The following TCF12 variants were observed in gnomAD, a reference collection of about 807,000 sequenced individuals.
TCF12 encodes the protein DNA-binding protein HTF4.
In TCF12, 45 loss-of-function variants were observed where a neutral mutation model predicts 86.0. The ratio of observed to expected loss-of-function variants is 0.52; its 90% CI spans 0.41 to 0.67. TCF12 has a LOEUF of 0.67. Among genes scored for constraint, TCF12 ranks in the 30% least tolerant of loss-of-function variants. The pLI, the probability that TCF12 is intolerant of heterozygous loss-of-function variation, is 0.00. For missense variants in TCF12, 881 were observed against 859.9 expected, an observed-to-expected ratio of 1.02 and a Z score of -0.31; for synonymous variants, 330 against 299.6, an observed-to-expected ratio of 1.10 and a Z score of -1.05.
chr15:57,151,005 G>A (rs1171204516), intron 5 of TCF12, among the ~76,000 whole-genome samples: 2 of 148,320 alleles, frequency 1.3e-5, no homozygotes, highest in Non-Finnish European at 3.0e-5. Context: ...TTGGAGGCAG[G>A]TCTCTCTCTG....
At chr15:57,136,979 T>TTG (rs2052586136) in intron 5 of TCF12, among the ~76,000 whole-genome samples, 2 of 119,714 alleles carry the variant, frequency 1.7e-5, no homozygotes, top group African/African-American at 6.7e-5. Context: ...TGTTTTTTTT[T>TTG]TTTTTTTTTT....
chr15:57,086,818 C>T (rs1468501826), intron 4 of TCF12, among the ~76,000 whole-genome samples: 1 of 149,784 alleles, frequency 6.7e-6, no homozygotes, highest in Non-Finnish European at 1.5e-5. Flanking sequence ...GAAATAACAA[C>T]ATAGGTTTGT....
chr15:57,256,935 C>G (rs1412808722), intron 16 of TCF12, among the ~76,000 whole-genome samples: 1 of 152,152 alleles, frequency 6.6e-6, no homozygotes, highest in Non-Finnish European at 1.5e-5. Context: ...ACTCTTCCTC[C>G]TAGCATTTAG....
chr15:57,094,190 G>A (rs942831127), intron 5 of TCF12, among the ~76,000 whole-genome samples: 1 of 152,098 alleles, frequency 6.6e-6, no homozygotes, highest in Non-Finnish European at 1.5e-5. Flanking sequence ...GTCTGGCCCA[G>A]ACCATACGTT....
At chr15:56,951,821 T>G (rs535676227) in intron 3 of TCF12, among the ~76,000 whole-genome samples, 108 of 152,236 alleles carry the variant, frequency 7.1e-4, no homozygotes, top group African/African-American at 2.5e-3. Context: ...TTTATTTTCT[T>G]ATTTATTGTA....
chr15:57,170,144 C>T (rs1720556452), intron 6 of TCF12, among the ~76,000 whole-genome samples: 1 of 152,194 alleles, frequency 6.6e-6, no homozygotes, highest in African/African-American at 2.4e-5. Context: ...AAGTGGTAAA[C>T]TTAAACTCAT....
intron 4 of TCF12, among the ~76,000 whole-genome samples, chr15:57,084,215 A>T (rs1010884419): frequency 7.2e-5 from 11 of 152,228 alleles, no homozygotes; most frequent in African/African-American, 2.7e-4. Context: ...ATAGTAGTAG[A>T]AGATAAAAGC....
chr15:57,060,709 G>T (rs541039561), intron 3 of TCF12, among the ~76,000 whole-genome samples: 10 of 152,312 alleles, frequency 6.6e-5, no homozygotes, highest in African/African-American at 2.2e-4. Flanking sequence ...TCTCATCACT[G>T]TATTGCAACT....
intron 5 of TCF12, among the ~76,000 whole-genome samples, chr15:57,119,142 G>C (rs2051045900): frequency 6.6e-6 from 1 of 151,786 alleles, no homozygotes; most frequent in South Asian, 2.1e-4. Context: ...CACCAGGCTG[G>C]AGTGCAGTGG....
chr15:57,075,835 T>TCTCTCTCTC (rs778545170), intron 4 of TCF12, among the ~76,000 whole-genome samples: 4 of 50,010 alleles, frequency 8.0e-5, no homozygotes, highest in African/African-American at 9.7e-5. Flanking sequence ...TCTCTCTCTC[T>TCTCTCTCTC]TTTCTTTCTT....
chr15:57,135,701 G>A (rs1214016804), intron 5 of TCF12, among the ~76,000 whole-genome samples: 1 of 152,146 alleles, frequency 6.6e-6, no homozygotes, highest in Non-Finnish European at 1.5e-5. Context: ...AGAAGAAAAG[G>A]TTTGTTATTT....
chr15:57,061,921 C>G (rs1006905819), intron 3 of TCF12, among the ~76,000 whole-genome samples: 1 of 151,798 alleles, frequency 6.6e-6, no homozygotes. Context: ...AGATAGCTCA[C>G]TGGTGTCTAA....
chr15:57,174,695 T>G (rs1459052058), intron 6 of TCF12, among the ~76,000 whole-genome samples: 1 of 152,178 alleles, frequency 6.6e-6, no homozygotes, highest in African/African-American at 2.4e-5. Flanking sequence ...GGATACAAAG[T>G]CAATCTAAAA....
chr15:57,129,424 C>T (rs2051936392), intron 5 of TCF12, among the ~76,000 whole-genome samples: 1 of 152,092 alleles, frequency 6.6e-6, no homozygotes, highest in South Asian at 2.1e-4. Flanking sequence ...TAGTGGCACG[C>T]ACCTGTAGTC....
intron 5 of TCF12, among the ~76,000 whole-genome samples, chr15:57,148,333 A>G (rs1393123734): frequency 3.3e-5 from 5 of 151,774 alleles, no homozygotes; most frequent in African/African-American, 9.7e-5. Flanking sequence ...TTGAAGGCTG[A>G]ACCCAGGGTT....
Position 57,289,354 on chromosome 15 carries a change from CATT to C in TCF12, c.*3211_*3213del, listed in dbSNP as rs747445762. The C allele has an allele frequency of 5.3e-5, 8 of 152,036 alleles. No individual in the cohort carries two copies. The East Asian group carries it at 1.3e-3, about 26-fold the overall frequency. 9.4% of individuals were successfully genotyped at this position (152,036 alleles called of 1,614,324 possible). ...ATAGAGACCATCTAGTAAATGACCT[CATT>C]AATATATCTGTGAAAACTGAGACTC... On this transcript the variant is annotated 3_prime_UTR_variant, in exon 21 of 21. Transcript: ENST00000333725.
chr15:56,969,535 A>AT (rs67565542), intron 3 of TCF12, among the ~76,000 whole-genome samples: 86,628 of 128,730 alleles, frequency 0.67, 30,184 homozygotes, highest in East Asian at 0.74. Flanking sequence ...CCAGTTGGAG[A>AT]TTTTTTTTTT....
chr15:57,108,385 T>C (rs1405063919), intron 5 of TCF12, among the ~76,000 whole-genome samples: 1 of 152,212 alleles, frequency 6.6e-6, no homozygotes, highest in Non-Finnish European at 1.5e-5. Flanking sequence ...TATCTGGGTC[T>C]GTCCTCAAGT....
intron 4 of TCF12, among the ~76,000 whole-genome samples, chr15:57,082,842 T>C (rs1365470661): frequency 6.6e-6 from 1 of 152,174 alleles, no homozygotes; most frequent in African/African-American, 2.4e-5. Flanking sequence ...TTCATATAAA[T>C]TCGTACAAGG....
Sources: gnomAD v4.1 joint callset for allele counts (sites outside exome capture counted in the v4.1 genomes callset) on GRCh38, gnomAD v4.1.1 for gene constraint, MANE v1.5 for transcripts, NCBI Gene and HGNC (gene_info 2026-07-23, HGNC 2026-07-21) for gene names.